The following SNTG2 variants were observed in gnomAD, a reference collection of about 807,000 sequenced individuals.
SNTG2 encodes syntrophin gamma 2.
In SNTG2, 74 loss-of-function variants were observed where a neutral mutation model predicts 70.9. The observed-to-expected ratio is 1.04, with a 90% CI of 0.86 to 1.27. The LOEUF (loss-of-function observed/expected upper bound fraction) is 1.27, where lower values mean the gene tolerates loss of function less well. SNTG2 is among the 50% of genes most tolerant of loss of function. The pLI, the probability that SNTG2 is intolerant of heterozygous loss-of-function variation, is 0.00. For synonymous variants in SNTG2, 278 were observed against 273.8 expected (o/e 1.02, Z -0.15); for missense variants, 717 against 690.7 (o/e 1.04, Z -0.43).
chr2:1,170,816 G>A (rs1397198543), intron 7 of SNTG2, among the ~76,000 whole-genome samples: 2 of 152,080 alleles, frequency 1.3e-5, no homozygotes, highest in Non-Finnish European at 2.9e-5. Flanking sequence ...ATGAGCATCC[G>A]TGAATGCGTT....
rs921640415 is a variant in SNTG2, at chr2:1,097,702, C to T, written c.211-494C>T. On this transcript the variant is annotated intron_variant, in intron 2 of 16. Transcript: ENST00000308624. This position sits in a 1 kb window ranked among gnomAD's most constrained non-coding sequence, Gnocchi z 4.1. ...ATCCCAGACATCTGTGGTCAGAGGA[C>T]GTGAAAAAATGGATCATTCATGAAT... 2.0e-5 allele frequency among the ~76,000 whole-genome samples: 3 copies of T among 151,830 alleles called. No individual in the cohort carries two copies. The highest frequency in any genetic ancestry group is 4.8e-5 in the African/African-American group (2 of 41,308).
rs147405761 is a variant in SNTG2, at chr2:1,016,157, C to T, written c.72+65089C>T. ...TATAGAGCACAGTATATAGTATGAC[C>T]CCCTTCCTGTAATTAAAAAAAAAAG... On this transcript the variant is annotated intron_variant, in intron 1 of 16. Transcript: ENST00000308624. Among the ~76,000 whole-genome samples the T allele has an allele frequency of 1.3e-3, 194 of 151,788 alleles. 4 individuals are homozygous for T. The East Asian group carries it at 0.032, about 25-fold the overall frequency.
chr2:952,413 G>C (rs886589935), intron 1 of SNTG2, among the ~76,000 whole-genome samples: 3 of 152,174 alleles, frequency 2.0e-5, no homozygotes, highest in African/African-American at 7.2e-5. Context: ...GCGTTGAAGT[G>C]GATTCATCAT....
At chr2:1,061,333 G>C (rs575385466) in intron 1 of SNTG2, among the ~76,000 whole-genome samples, 1 of 152,302 alleles carries the variant, frequency 6.6e-6, no homozygotes, top group South Asian at 2.1e-4. Context: ...TTAGATAATA[G>C]AAAGGTATTG....
At chr2:1,018,845 C>T (rs1313006894) in intron 1 of SNTG2, among the ~76,000 whole-genome samples, 1 of 152,148 alleles carries the variant, frequency 6.6e-6, no homozygotes, top group Non-Finnish European at 1.5e-5. Flanking sequence ...CATTACAGCC[C>T]CTGTTGGCTC....
chr2:1,098,763 T>C (rs901871644), intron 4 of SNTG2, among the ~76,000 whole-genome samples: 2 of 152,176 alleles, frequency 1.3e-5, no homozygotes, highest in Non-Finnish European at 2.9e-5. Context: ...ATGGTGTTCG[T>C]TGAAGTATCT....
chr2:1,292,015 A>G (rs1680013156), intron 14 of SNTG2, among the ~76,000 whole-genome samples: 2 of 152,112 alleles, frequency 1.3e-5, no homozygotes, highest in African/African-American at 2.4e-5. Flanking sequence ...TTTGTCATCA[A>G]TGTTTTGTAG....
Position 1,353,162 on chromosome 2 carries a change from C to G in SNTG2, c.1489-14181C>G, listed in dbSNP as rs1211398676. The stretch of plus-strand genomic sequence containing the variant: ...CTGGCTGTGGCGGGAGCACATATAC[C>G]TCAGCAGTGAGCAAAGGCTGCACAT... On this transcript the variant is annotated intron_variant, in intron 16 of 16. Coordinates refer to ENST00000308624, the MANE Select transcript of SNTG2 (RefSeq NM_018968.4). This position sits in a 1 kb window ranked among gnomAD's most constrained non-coding sequence, Gnocchi z 4.2. Among the ~76,000 whole-genome samples, 1 of 152,146 alleles carries G rather than the reference C, an allele frequency of 6.6e-6. No homozygotes were observed. The highest frequency in any genetic ancestry group is 1.5e-5 in the Non-Finnish European group (1 of 68,018).
intron 1 of SNTG2, among the ~76,000 whole-genome samples, chr2:1,079,196 C>G (rs1446172213): frequency 6.6e-6 from 1 of 152,220 alleles, no homozygotes; most frequent in Non-Finnish European, 1.5e-5. Flanking sequence ...GGTGAGTGAC[C>G]TGCTGTTATC....
chr2:1,175,478 G>A (rs1278393040), intron 8 of SNTG2, among the ~76,000 whole-genome samples: 1 of 152,120 alleles, frequency 6.6e-6, no homozygotes, highest in African/African-American at 2.4e-5. Context: ...ACAGTGTTGG[G>A]ATTTTGACTG....
At chr2:1,093,220 A>G (rs1665151441) in intron 2 of SNTG2, among the ~76,000 whole-genome samples, 1 of 152,132 alleles carries the variant, frequency 6.6e-6, no homozygotes, top group Non-Finnish European at 1.5e-5. Context: ...CTTGACTTTA[A>G]GGGGTATGTA....
intron 6 of SNTG2, among the ~76,000 whole-genome samples, chr2:1,142,994 A>C (rs1057381275): frequency 6.6e-6 from 1 of 152,224 alleles, no homozygotes. Context: ...GGCCAGATGC[A>C]TATTGAGGAA....
chr2:1,179,669 C>T (rs1489091746), intron 8 of SNTG2, among the ~76,000 whole-genome samples: 1 of 151,868 alleles, frequency 6.6e-6, no homozygotes, highest in Non-Finnish European at 1.5e-5. Flanking sequence ...TCAGTGCCAT[C>T]CCCATGAAGC....
chr2:1,322,635 C>G (rs1681584096), intron 16 of SNTG2, among the ~76,000 whole-genome samples: 1 of 152,130 alleles, frequency 6.6e-6, no homozygotes, highest in Non-Finnish European at 1.5e-5. Flanking sequence ...CTCTCTCACT[C>G]TGTCTCTCTC....
intron 1 of SNTG2, among the ~76,000 whole-genome samples, chr2:1,070,343 G>T (rs186376720): frequency 2.0e-5 from 3 of 152,086 alleles, no homozygotes; most frequent in Non-Finnish European, 4.4e-5. Context: ...ATGCCATCAC[G>T]TCACCCAAGC....
intron 1 of SNTG2, among the ~76,000 whole-genome samples, chr2:1,065,640 A>G (rs1047304442): frequency 1.3e-5 from 2 of 152,244 alleles, no homozygotes; most frequent in African/African-American, 4.8e-5. Flanking sequence ...GTATTTAGCA[A>G]TACGTTGCAA....
chr2:1,199,232 C>G (rs966663861), intron 8 of SNTG2, among the ~76,000 whole-genome samples: 1 of 151,300 alleles, frequency 6.6e-6, no homozygotes, highest in Admixed American at 6.6e-5. Flanking sequence ...TAAATATATG[C>G]AAATCAATAA....
intron 4 of SNTG2, among the ~76,000 whole-genome samples, chr2:1,110,700 C>T (rs937343799): frequency 3.9e-5 from 6 of 152,212 alleles, no homozygotes; most frequent in Non-Finnish European, 8.8e-5. Context: ...TTTGCCTTTG[C>T]CATTCATCAT....
intron 9 of SNTG2, among the ~76,000 whole-genome samples, chr2:1,210,180 G>A (rs990456433): frequency 1.3e-5 from 2 of 152,162 alleles, no homozygotes; most frequent in African/African-American, 2.4e-5. Context: ...TCATGTTTGC[G>A]GAAGGATGTT....
Sources: allele counts gnomAD v4.1 joint callset (sites outside exome capture counted in the v4.1 genomes callset), GRCh38; gene constraint gnomAD v4.1.1; non-coding constraint Gnocchi (gnomAD v3.1); transcripts MANE v1.5; gene names NCBI Gene and HGNC (gene_info 2026-07-23, HGNC 2026-07-21).